Variants in ZNF536 observed in about 807,000 individuals in gnomAD.
ZNF536 encodes the protein zinc finger protein 536.
A neutral mutation model predicts 84.5 loss-of-function variants in ZNF536; 13 were observed. The observed-to-expected ratio is 0.15, with a 90% CI of 0.10 to 0.24. ZNF536 has a LOEUF of 0.24. Among genes scored for constraint, ZNF536 ranks in the 10% least tolerant of loss-of-function variants. ZNF536 has a pLI of 1.00. For missense variants in ZNF536, 1,536 were observed against 1,747.5 expected (o/e 0.88, Z 2.16); for synonymous variants, 811 against 742.5 (o/e 1.09, Z -1.50).
intron 1 of ZNF536, among the ~76,000 whole-genome samples, chr19:30,616,538 T>G (rs2048300102): frequency 1.3e-5 from 2 of 152,258 alleles, no homozygotes; most frequent in African/African-American, 2.4e-5. Context: ...TTCTTTTTAA[T>G]GTACTACTGC....
At chr19:30,387,875 T>C (rs545039817) in intron 1 of ZNF536, among the ~76,000 whole-genome samples, 1 of 152,248 alleles carries the variant, frequency 6.6e-6, no homozygotes, top group Non-Finnish European at 1.5e-5. Flanking sequence ...GGTTGGGGAA[T>C]GTTCTCGAGA....
At chr19:30,676,651 C>A (rs1416300121) in intron 1 of ZNF536, among the ~76,000 whole-genome samples, 1 of 152,136 alleles carries the variant, frequency 6.6e-6, no homozygotes, top group Non-Finnish European at 1.5e-5. Context: ...TGCATCTTTG[C>A]AATTTTATTC....
intron 2 of ZNF536, among the ~76,000 whole-genome samples, chr19:30,467,101 G>A (rs190629208): frequency 6.6e-6 from 1 of 152,246 alleles, no homozygotes; most frequent in East Asian, 1.9e-4. Flanking sequence ...GCCTCCCAAA[G>A]TGCTGGGATT....
chr19:30,636,272 A>G (rs2049061545), intron 1 of ZNF536, among the ~76,000 whole-genome samples: 2 of 152,096 alleles, frequency 1.3e-5, no homozygotes. Flanking sequence ...GAAAAGTGAG[A>G]GGGTCATTGG....
upstream of ZNF536, among the ~76,000 whole-genome samples, chr19:30,227,036 A>G (rs1392898069): frequency 1.3e-5 from 2 of 151,732 alleles, no homozygotes; most frequent in South Asian, 2.1e-4. Context: ...GATGAGTAGG[A>G]AAGTGTCCAG....
chr19:30,431,401 A>G (rs1236913264), intron 1 of ZNF536, among the ~76,000 whole-genome samples: 1 of 152,118 alleles, frequency 6.6e-6, no homozygotes, highest in African/African-American at 2.4e-5. Flanking sequence ...GCAGCAGGGG[A>G]CCCGATGGAG....
chr19:30,227,840 C>T (rs2022707426), upstream of ZNF536, among the ~76,000 whole-genome samples: 1 of 151,406 alleles, frequency 6.6e-6, no homozygotes, highest in South Asian at 2.1e-4. Context: ...AGCGGGCCGC[C>T]GGGCCTGGTC....
intron 1 of ZNF536, among the ~76,000 whole-genome samples, chr19:30,644,007 A>T (rs574131141): frequency 8.1e-4 from 124 of 152,320 alleles, no homozygotes; most frequent in African/African-American, 2.9e-3. Context: ...TCTCTGTTAC[A>T]TGTGTTGTAA....
chr19:30,491,867 A>T (rs2054523632), intron 2 of ZNF536, among the ~76,000 whole-genome samples: 2 of 151,768 alleles, frequency 1.3e-5, no homozygotes, highest in South Asian at 4.2e-4. Flanking sequence ...TCAAAGATAT[A>T]CAAGACGTTA....
At chr19:30,533,001 C>G (rs754629881) in intron 2 of ZNF536, among the ~76,000 whole-genome samples, 1 of 152,160 alleles carries the variant, frequency 6.6e-6, no homozygotes, top group Non-Finnish European at 1.5e-5. Flanking sequence ...ATGAGCCTAA[C>G]TTCCTACTTG....
intron 1 of ZNF536, among the ~76,000 whole-genome samples, chr19:30,705,208 C>T (rs1019316561): frequency 3.3e-5 from 5 of 152,136 alleles, no homozygotes; most frequent in African/African-American, 1.2e-4. Context: ...CCTATCATAG[C>T]TTCTCCCAGT....
At position 30,434,788 on chromosome 19, in the gene ZNF536, C is replaced by T. The variant is rs150500411; in HGVS notation, c.-2-8773C>T. On this transcript the variant is annotated intron_variant, in intron 1 of 4. Transcript: ENST00000355537. ...ATGATGATGATGGTGGTGGTGATGA[C>T]GACGATGATGATGGTGATGGTGATG... 2.1e-3 allele frequency among the ~76,000 whole-genome samples: 305 copies of T among 148,762 alleles called. 2 individuals carry two copies. The highest frequency in any genetic ancestry group is 7.6e-3 in the Middle Eastern group (2 of 262).
chr19:30,500,112 G>A (rs956207922), intron 2 of ZNF536, among the ~76,000 whole-genome samples: 13 of 152,176 alleles, frequency 8.5e-5, no homozygotes, highest in Admixed American at 7.9e-4. Flanking sequence ...TCGTTCTTCT[G>A]GGAACAGGTG....
At chr19:30,659,832 G>A (rs1034287257) in intron 1 of ZNF536, among the ~76,000 whole-genome samples, 6 of 152,090 alleles carry the variant, frequency 3.9e-5, no homozygotes, top group South Asian at 2.1e-4. Context: ...GATTTGGGTG[G>A]GGACACAGAT....
intron 1 of ZNF536, among the ~76,000 whole-genome samples, chr19:30,598,429 A>G (rs1039566063): frequency 1.3e-5 from 2 of 152,206 alleles, no homozygotes; most frequent in Admixed American, 6.5e-5. Flanking sequence ...TCTGAGCCAC[A>G]TAAATAATTT....
At chr19:30,562,267 T>C (rs1241431624), downstream of ZNF536, among the ~76,000 whole-genome samples, 1 of 152,074 alleles carries the variant, frequency 6.6e-6, no homozygotes, top group Non-Finnish European at 1.5e-5. Context: ...GGAGTCCCCA[T>C]ACCAGTAGGG....
In ZNF536 at chr19:30,710,314, G is replaced by A. The variant is rs115185107; in HGVS notation, c.170-443G>A. ...TCTCAGCTACTTAAGAGGTTGAAAA[G>A]AGAGGGTCCCTTGAGGCAGGAGCTC... On this transcript the variant is annotated intron_variant, in intron 1 of 1. Coordinates refer to the ZNF536 transcript ENST00000592773. Among the ~76,000 whole-genome samples, 714 of 152,308 alleles carry A rather than the reference G, an allele frequency of 4.7e-3. 10 individuals carry two copies. The highest frequency in any genetic ancestry group is 0.016 in the African/African-American group (668 of 41,566).
At chr19:30,659,875 T>C (rs1433872533) in intron 1 of ZNF536, among the ~76,000 whole-genome samples, 1 of 152,154 alleles carries the variant, frequency 6.6e-6, no homozygotes, top group African/African-American at 2.4e-5. Flanking sequence ...GTATGGCCTA[T>C]AGAGTGAGCA....
chr19:30,259,120 C>A (rs2145220064), intron 1 of ZNF536, among the ~76,000 whole-genome samples: 2 of 152,188 alleles, frequency 1.3e-5, no homozygotes, highest in South Asian at 4.1e-4. Context: ...CAACTCAACC[C>A]CCGCTTTTTC....
Sources: allele counts gnomAD v4.1 joint callset (sites outside exome capture counted in the v4.1 genomes callset), GRCh38; gene constraint gnomAD v4.1.1; transcripts MANE v1.5; gene names NCBI Gene and HGNC (gene_info 2026-07-23, HGNC 2026-07-21).